The following MAP7 variants were observed in gnomAD, a reference collection of about 807,000 sequenced individuals.
The protein encoded by MAP7 is microtubule associated protein 7, also known as ensconsin.
Under a neutral mutation model 94.8 loss-of-function variants are expected in MAP7, and 52 were observed. That is an observed-to-expected ratio of 0.55 (90% CI 0.44 to 0.69). The LOEUF (loss-of-function observed/expected upper bound fraction) is 0.69, where lower values mean the gene tolerates loss of function less well. Among genes scored for constraint, MAP7 ranks in the 30% least tolerant of loss-of-function variants. The pLI is 0.00. For missense variants in MAP7, 940 were observed against 964.6 expected, an observed-to-expected ratio of 0.97 and a Z score of 0.34; for synonymous variants, 350 against 357.0, an observed-to-expected ratio of 0.98 and a Z score of 0.22.
chr6:136,460,647 T>C (rs1012976229), intron 1 of MAP7, among the ~76,000 whole-genome samples: 1 of 152,138 alleles, frequency 6.6e-6, no homozygotes, highest in Non-Finnish European at 1.5e-5. Context: ...CATCCTTCAA[T>C]ACAAGCAGAT....
chr6:136,379,545 A>G (rs1486249971), intron 6 of MAP7, among the ~76,000 whole-genome samples: 1 of 152,254 alleles, frequency 6.6e-6, no homozygotes, highest in Non-Finnish European at 1.5e-5. Flanking sequence ...ATACATGTAC[A>G]GGGTAAAATC....
intron 1 of MAP7, among the ~76,000 whole-genome samples, chr6:136,529,056 T>C (rs749392929): frequency 5.9e-5 from 9 of 152,108 alleles, no homozygotes; most frequent in African/African-American, 1.9e-4. Flanking sequence ...CAAAGGCAAA[T>C]ACGGAAAGGG....
At chr6:136,420,781 A>C (rs1034758544) in intron 2 of MAP7, among the ~76,000 whole-genome samples, 2 of 150,776 alleles carry the variant, frequency 1.3e-5, no homozygotes, top group African/African-American at 4.9e-5. Flanking sequence ...ATGACAAACC[A>C]GATTTATCTG....
chr6:136,530,228 C>T (rs1437585453), intron 1 of MAP7, among the ~76,000 whole-genome samples: 2 of 152,192 alleles, frequency 1.3e-5, no homozygotes, highest in Non-Finnish European at 2.9e-5. Flanking sequence ...ATGGCTGTAG[C>T]TGAAAACAGA....
At chr6:136,492,346 A>C (rs770395510) in intron 1 of MAP7, among the ~76,000 whole-genome samples, 1 of 152,232 alleles carries the variant, frequency 6.6e-6, no homozygotes, top group African/African-American at 2.4e-5. Context: ...TACAGTGACT[A>C]TTAAGTATTT....
At chr6:136,355,977 T>C (rs1790799536) in intron 16 of MAP7, among the ~76,000 whole-genome samples, 1 of 152,220 alleles carries the variant, frequency 6.6e-6, no homozygotes, top group African/African-American at 2.4e-5. Context: ...GTCTGGTTCT[T>C]CAATAAGAAG....
intron 1 of MAP7, among the ~76,000 whole-genome samples, chr6:136,456,757 AGGAGGAGGAG>A (rs1356762436): frequency 2.3e-5 from 1 of 42,920 alleles, no homozygotes; most frequent in Non-Finnish European, 4.7e-5. Context: ...GAGGAGGAGG[AGGAGGAGGAG>A]GAAGAAGAAG....
rs766211439 is a variant in MAP7 at position 136,359,983 on chromosome 6, T to C, written c.1852A>G (p.Lys618Glu). ...TTAGAAAACGGCCATGTCAATACCT[T>C]ATCTGTAGCTTCTGTTCTCCTGGTT... ...KRTRRTEATD[K>E]KTSDQRNGDI... The change falls in exon 14 of 18, where the codon AAG (lysine) becomes GAG (glutamate). Residue 618 changes from lysine to glutamate, a missense_variant and splice_region_variant. Transcript: ENST00000354570. The C allele has an allele frequency of 8.1e-6, 13 of 1,613,332 alleles. No individual in the cohort carries two copies. The South Asian group carries it at 1.4e-4, about 18-fold the overall frequency.
At chr6:136,397,749 T>C (rs1782926366) in intron 3 of MAP7, among the ~76,000 whole-genome samples, 1 of 152,102 alleles carries the variant, frequency 6.6e-6, no homozygotes. Flanking sequence ...AAAATAAATT[T>C]CTGTTGTTTA....
chr6:136,440,600 G>A (rs1253739703), intron 1 of MAP7, among the ~76,000 whole-genome samples: 2 of 151,930 alleles, frequency 1.3e-5, no homozygotes, highest in African/African-American at 4.8e-5. Context: ...GTTAAAATAG[G>A]ATTTTTTTCT....
intron 10 of MAP7, chr6:136,364,256 AC>A: frequency 1.8e-6 from 1 of 541,834 alleles, no homozygotes; most frequent in South Asian, 1.4e-5. Context: ...TAAATGTTGA[AC>A]CTTTTTGGAC....
chr6:136,393,624 T>G (rs1363854504), intron 3 of MAP7, among the ~76,000 whole-genome samples: 4 of 152,112 alleles, frequency 2.6e-5, no homozygotes, highest in Admixed American at 2.0e-4. Flanking sequence ...ATTTCTTTTC[T>G]TCTATCTATG....
chr6:136,360,336 G>C (rs573740257), intron 13 of MAP7, among the ~76,000 whole-genome samples: 2 of 152,182 alleles, frequency 1.3e-5, no homozygotes, highest in Non-Finnish European at 1.5e-5. Flanking sequence ...AGTAAAGACA[G>C]GGTTTCACCA....
rs922147054 is a variant in MAP7, at chr6:136,452,189, G to A, written c.68-30390C>T. Among the ~76,000 whole-genome samples, 11 of 104,154 alleles carry A rather than the reference G, an allele frequency of 1.1e-4. No individual in the cohort carries two copies. The South Asian group carries it at 1.2e-3, about 11-fold the overall frequency. The allele number at this position is 104,154 out of a possible 152,430, so 68.3% of individuals were successfully genotyped here. A position where few individuals can be genotyped will look rare whatever the true frequency, so the allele number is the denominator to read the frequency against. ...AGCCTGGGAGACAGAGCAAGACTCC[G>A]TCTCAAACAAAACAAAACAAAACAA... is the stretch of plus-strand genomic sequence containing the variant. On this transcript the variant is annotated intron_variant, in intron 1 of 17. Coordinates refer to ENST00000354570, the MANE Select transcript of MAP7 (RefSeq NM_003980.6).
At chr6:136,411,798 T>C (rs750210516) in intron 2 of MAP7, 101 bp from the exon 3 acceptor site, 2 of 918,672 alleles carry the variant, frequency 2.2e-6, no homozygotes, top group Non-Finnish European at 3.3e-6. Context: ...ATCTGAAGAA[T>C]AATATATTGC....
At chr6:136,374,074 G>A (rs3778297) in intron 7 of MAP7, among the ~76,000 whole-genome samples, 14,227 of 152,118 alleles carry the variant, frequency 0.094, 1,404 homozygotes, top group East Asian at 0.27. Context: ...ATTGGAAACC[G>A]GTCTCTTTTC....
chr6:136,498,396 G>C (rs1050807735), intron 1 of MAP7, among the ~76,000 whole-genome samples: 5 of 152,068 alleles, frequency 3.3e-5, no homozygotes, highest in Non-Finnish European at 7.3e-5. Flanking sequence ...CCGATTCATG[G>C]ATAGGAAGGG....
At chr6:136,392,644 T>G (rs535930003) in intron 3 of MAP7, among the ~76,000 whole-genome samples, 11 of 152,256 alleles carry the variant, frequency 7.2e-5, no homozygotes, top group Non-Finnish European at 1.5e-5. Context: ...AGCATGTCCA[T>G]GTAGAATAGC....
chr6:136,348,084 C>T (rs1788183049), intron 16 of MAP7, among the ~76,000 whole-genome samples: 1 of 151,712 alleles, frequency 6.6e-6, no homozygotes, highest in Non-Finnish European at 1.5e-5. Context: ...CTGCCACACC[C>T]ATCTTCCTGT....
Sources: allele counts gnomAD v4.1 joint callset (sites outside exome capture counted in the v4.1 genomes callset), GRCh38; gene constraint gnomAD v4.1.1; transcripts MANE v1.5; gene names NCBI Gene and HGNC (gene_info 2026-07-23, HGNC 2026-07-21).